AGBL1: variants seen among roughly 807,000 people sequenced by gnomAD.
AGBL1 encodes the protein AGBL carboxypeptidase 1, also known as cytosolic carboxypeptidase 4.
In AGBL1, 130 loss-of-function variants were observed where a neutral mutation model predicts 118.9. The ratio of observed to expected loss-of-function variants is 1.09; its 90% CI spans 0.95 to 1.26. The LOEUF is 1.26. AGBL1 is among the 50% of genes most tolerant of loss of function. The pLI is 0.00. For synonymous variants in AGBL1, 555 were observed against 478.9 expected, an observed-to-expected ratio of 1.16 and a Z score of -2.08; for missense variants, 1,584 against 1,298.1, an observed-to-expected ratio of 1.22 and a Z score of -3.38.
chr15:86,709,837 A>G (rs1486953240), intron 22 of AGBL1, among the ~76,000 whole-genome samples: 1 of 152,202 alleles, frequency 6.6e-6, no homozygotes, highest in Non-Finnish European at 1.5e-5. Context: ...AGTTTCTATC[A>G]TAGAGTCTGG....
chr15:86,879,873 C>A (rs1358591219), intron 22 of AGBL1, among the ~76,000 whole-genome samples: 1 of 152,120 alleles, frequency 6.6e-6, no homozygotes, highest in Non-Finnish European at 1.5e-5. Flanking sequence ...GCCAGAATAC[C>A]CATGGGACCA....
chr15:86,975,597 A>T (rs1046802376), intron 23 of AGBL1, among the ~76,000 whole-genome samples: 1 of 152,166 alleles, frequency 6.6e-6, no homozygotes, highest in African/African-American at 2.4e-5. Flanking sequence ...TCCATGCTCC[A>T]ACCTCATCAG....
chr15:86,718,895 C>T (rs1408292102), intron 22 of AGBL1, among the ~76,000 whole-genome samples: 2 of 152,074 alleles, frequency 1.3e-5, no homozygotes, highest in Non-Finnish European at 2.9e-5. Flanking sequence ...TCCTATCCAC[C>T]CTTAAATCTA....
chr15:86,684,151 G>A (rs2086011887), intron 22 of AGBL1, among the ~76,000 whole-genome samples: 1 of 152,110 alleles, frequency 6.6e-6, no homozygotes, highest in Admixed American at 6.6e-5. Flanking sequence ...CAAGGCATTT[G>A]AACTAACAGA....
At chr15:86,121,045 T>C (rs1328850677) in intron 1 of AGBL1, among the ~76,000 whole-genome samples, 1 of 152,062 alleles carries the variant, frequency 6.6e-6, no homozygotes, top group Non-Finnish European at 1.5e-5. Context: ...TACAGGCATG[T>C]GCCACCATGC....
At chr15:86,404,781 G>T (rs930786819) in intron 18 of AGBL1, among the ~76,000 whole-genome samples, 1 of 152,160 alleles carries the variant, frequency 6.6e-6, no homozygotes, top group African/African-American at 2.4e-5. Context: ...ACGGCAATGA[G>T]CATACTTGCC....
intron 24 of AGBL1, among the ~76,000 whole-genome samples, chr15:87,019,585 A>T (rs1596747878): frequency 6.6e-6 from 1 of 152,136 alleles, no homozygotes; most frequent in African/African-American, 2.4e-5. Flanking sequence ...AAAAACAAAG[A>T]GCCAATGTAC....
At chr15:86,392,341 T>C (rs2081300480) in intron 17 of AGBL1, among the ~76,000 whole-genome samples, 1 of 152,182 alleles carries the variant, frequency 6.6e-6, no homozygotes, top group Non-Finnish European at 1.5e-5. Context: ...AATGTGTGTT[T>C]AAGTCATTTA....
rs146843103 is a variant in AGBL1, at chr15:86,729,408, G to GGTA, written c.3158+54975_3158+54977dup. Among the ~76,000 whole-genome samples the GGTA allele has an allele frequency of 6.1e-3, 931 of 152,206 alleles. 11 individuals carry two copies. The highest frequency in any genetic ancestry group is 0.021 in the African/African-American group (882 of 41,528). ...CAGGTAGTGAGCATAGTACCCAATG[G>GGTA]GTAGTTTTTCAACCTACCCTGCTTT... is the stretch of plus-strand genomic sequence containing the variant. On this transcript the variant is annotated intron_variant, in intron 22 of 22. Coordinates refer to ENST00000614907, the MANE Select transcript of AGBL1 (RefSeq NM_001386094.1).
At chr15:86,817,294 A>G (rs75525220) in intron 22 of AGBL1, among the ~76,000 whole-genome samples, 4 of 28,336 alleles carry the variant, frequency 1.4e-4, no homozygotes, top group East Asian at 1.1e-3. Flanking sequence ...CTCCATCTGG[A>G]AAAAAAAAAA....
chr15:86,671,370 A>G (rs1406294236), intron 21 of AGBL1, among the ~76,000 whole-genome samples: 1 of 152,120 alleles, frequency 6.6e-6, no homozygotes, highest in Non-Finnish European at 1.5e-5. Context: ...CCTCAAATTT[A>G]TTTTTGTGCA....
chr15:86,171,971 G>A lies in AGBL1; in HGVS notation c.488+12945G>A, dbSNP rs144488176. Among the ~76,000 whole-genome samples the A allele has an allele frequency of 7.5e-3, 1,143 of 152,250 alleles. 11 individuals are homozygous for A. The highest frequency in any genetic ancestry group is 0.014 in the Middle Eastern group (4 of 294). ...AACCAAACATCTTATGTTCTCACTC[G>A]TAAGTGGGAGCCAAGCTGTGAGTGT... On this transcript the variant is annotated intron_variant, in intron 5 of 22. Transcript: ENST00000614907.
At chr15:86,827,398 C>CAT (rs1259433664) in intron 22 of AGBL1, among the ~76,000 whole-genome samples, 2 of 3,580 alleles carry the variant, frequency 5.6e-4, no homozygotes, top group Admixed American at 6.0e-3. Flanking sequence ...TATATATATA[C>CAT]ATATATATAT....
chr15:86,198,904 A>C (rs1437975890), intron 5 of AGBL1, among the ~76,000 whole-genome samples: 1 of 152,162 alleles, frequency 6.6e-6, no homozygotes, highest in Non-Finnish European at 1.5e-5. Flanking sequence ...ACTAATACCT[A>C]TATCAATGTG....
At chr15:86,747,089 G>A (rs2077768822) in intron 22 of AGBL1, among the ~76,000 whole-genome samples, 1 of 152,012 alleles carries the variant, frequency 6.6e-6, no homozygotes, top group African/African-American at 2.4e-5. Context: ...CCGAGCATAT[G>A]CACCCCAGGA....
intron 5 of AGBL1, among the ~76,000 whole-genome samples, chr15:86,174,698 A>G (rs1299917729): frequency 6.6e-6 from 1 of 151,986 alleles, no homozygotes; most frequent in Admixed American, 6.6e-5. Flanking sequence ...AGAGTTTTTT[A>G]TCATGAAGGA....
intron 22 of AGBL1, among the ~76,000 whole-genome samples, chr15:86,761,569 G>A (rs1393057064): frequency 1.3e-5 from 2 of 152,066 alleles, no homozygotes; most frequent in Non-Finnish European, 2.9e-5. Context: ...AGAAGCAGAA[G>A]AAGCTGATCT....
intron 22 of AGBL1, among the ~76,000 whole-genome samples, chr15:86,700,079 T>C (rs899863566): frequency 2.0e-5 from 3 of 152,076 alleles, no homozygotes; most frequent in Non-Finnish European, 4.4e-5. Flanking sequence ...TATTTAGGTA[T>C]ATATCTATGG....
At chr15:86,265,174 G>A (rs1266238907) in intron 11 of AGBL1, among the ~76,000 whole-genome samples, 1 of 152,194 alleles carries the variant, frequency 6.6e-6, no homozygotes, top group African/African-American at 2.4e-5. Flanking sequence ...TCAAAAGTAG[G>A]TTTTCAGGAA....
Sources: gnomAD v4.1 joint callset for allele counts (sites outside exome capture counted in the v4.1 genomes callset) on GRCh38, gnomAD v4.1.1 for gene constraint, MANE v1.5 for transcripts, NCBI Gene and HGNC (gene_info 2026-07-23, HGNC 2026-07-21) for gene names.